Variants in QTMAN observed in about 807,000 individuals in gnomAD.
QTMAN encodes tRNA-queuosine alpha-mannosyltransferase.
the QTMAN span, among the ~76,000 whole-genome samples, chr2:144,033,567 G>A: frequency 6.6e-6 from 1 of 152,170 alleles, no homozygotes; most frequent in South Asian, 2.1e-4. Context: ...TTTATAGGGA[G>A]GTTCCATTAT....
chr2:144,164,610 T>C, the QTMAN span, among the ~76,000 whole-genome samples: 4 of 152,156 alleles, frequency 2.6e-5, no homozygotes, highest in Non-Finnish European at 5.9e-5. Context: ...TCCAGATCTT[T>C]ACGCAATAAC....
At chr2:144,232,258 A>G in the QTMAN span, among the ~76,000 whole-genome samples, 1 of 152,202 alleles carries the variant, frequency 6.6e-6, no homozygotes, top group South Asian at 2.1e-4. Context: ...TCTGAATGAG[A>G]GAAAATAACA....
chr2:144,271,062 C>CA, the QTMAN span, among the ~76,000 whole-genome samples: 2 of 152,168 alleles, frequency 1.3e-5, no homozygotes, highest in Non-Finnish European at 2.9e-5. Context: ...CCATCTATTA[C>CA]ACAACTAATT....
At chr2:144,253,471 G>A in the QTMAN span, among the ~76,000 whole-genome samples, 1 of 152,206 alleles carries the variant, frequency 6.6e-6, no homozygotes, top group Non-Finnish European at 1.5e-5. Context: ...GAACTTCCTA[G>A]AGACTTGTTG....
At chr2:144,319,485 T>C in the QTMAN span, among the ~76,000 whole-genome samples, 1 of 152,206 alleles carries the variant, frequency 6.6e-6, no homozygotes, top group African/African-American at 2.4e-5. Flanking sequence ...AATGATAATA[T>C]AATACACATT....
the QTMAN span, among the ~76,000 whole-genome samples, chr2:144,073,501 C>T: frequency 2.0e-5 from 3 of 151,956 alleles, no homozygotes; most frequent in Admixed American, 2.0e-4. Context: ...TATGGATCCA[C>T]GATCGTTTTC....
the QTMAN span, among the ~76,000 whole-genome samples, chr2:144,193,613 T>C: frequency 6.6e-6 from 1 of 151,838 alleles, no homozygotes; most frequent in Non-Finnish European, 1.5e-5. Flanking sequence ...CTCAAATTCC[T>C]GGGCTCAAGT....
the QTMAN span, among the ~76,000 whole-genome samples, chr2:144,109,010 G>C: frequency 6.6e-6 from 1 of 152,158 alleles, no homozygotes; most frequent in Non-Finnish European, 1.5e-5. Context: ...TAGATTCAAT[G>C]CCATCCCCAT....
chr2:144,146,799 CCTTTATGG>C, the QTMAN span, among the ~76,000 whole-genome samples: 2 of 151,760 alleles, frequency 1.3e-5, no homozygotes. Flanking sequence ...CATCATTTTA[CCTTTATGG>C]CTTTAATTCC....
chr2:144,238,724 C>A, the QTMAN span, among the ~76,000 whole-genome samples: 3 of 152,116 alleles, frequency 2.0e-5, no homozygotes, highest in Non-Finnish European at 2.9e-5. Context: ...GTTCTTCCAA[C>A]CCTACCAACT....
At chr2:144,145,330 TG>T in the QTMAN span, among the ~76,000 whole-genome samples, 3 of 151,908 alleles carry the variant, frequency 2.0e-5, no homozygotes, top group Admixed American at 1.3e-4. Context: ...CTATTTTGAA[TG>T]TTGTGAAAAA....
chr2:143,980,941 GT>G, the QTMAN span, among the ~76,000 whole-genome samples: 1 of 152,076 alleles, frequency 6.6e-6, no homozygotes, highest in Non-Finnish European at 1.5e-5. Flanking sequence ...CCTCTGTGCT[GT>G]TTGCAACCCC....
chr2:144,252,868 GGATA>G, the QTMAN span, among the ~76,000 whole-genome samples: 3 of 152,140 alleles, frequency 2.0e-5, no homozygotes, highest in African/African-American at 7.2e-5. Context: ...AAAAGTGAAT[GGATA>G]AACAAACTGT....
the QTMAN span, among the ~76,000 whole-genome samples, chr2:144,071,049 A>C: frequency 6.6e-6 from 1 of 152,190 alleles, no homozygotes; most frequent in Admixed American, 6.6e-5. Flanking sequence ...GGGCTTTGTG[A>C]AAGTGCTTAG....
At chr2:143,963,344 C>A in the QTMAN span, among the ~76,000 whole-genome samples, 1 of 152,022 alleles carries the variant, frequency 6.6e-6, no homozygotes, top group Non-Finnish European at 1.5e-5. Flanking sequence ...TTATTTTATT[C>A]AATTAACTGA....
At chr2:144,054,921 T>C in the QTMAN span, among the ~76,000 whole-genome samples, 3 of 152,190 alleles carry the variant, frequency 2.0e-5, no homozygotes, top group Non-Finnish European at 2.9e-5. Flanking sequence ...GAAAATAATA[T>C]GCACTTTAAA....
At chr2:144,027,679 G>C in the QTMAN span, among the ~76,000 whole-genome samples, 1 of 152,184 alleles carries the variant, frequency 6.6e-6, no homozygotes, top group Non-Finnish European at 1.5e-5. Context: ...CTTTAAAGCA[G>C]TGCTGAATTG....
the QTMAN span, among the ~76,000 whole-genome samples, chr2:144,061,235 T>A: frequency 1.2e-3 from 184 of 152,262 alleles, 1 homozygote; most frequent in East Asian, 0.021. Context: ...ATTTATTTTG[T>A]CCAGGAACTC....
chr2:143,945,528 T>G, the QTMAN span: 9 of 152,414 alleles, frequency 5.9e-5, no homozygotes, highest in East Asian at 1.7e-3. Context: ...TTCCAAGGGC[T>G]TTGTCTGGCT....
Sources: allele counts gnomAD v4.1 joint callset (sites outside exome capture counted in the v4.1 genomes callset), GRCh38; gene constraint gnomAD v4.1.1; transcripts MANE v1.5; gene names NCBI Gene and HGNC (gene_info 2026-07-23, HGNC 2026-07-21).